AHNAK: variants seen among roughly 807,000 people sequenced by gnomAD.
AHNAK encodes neuroblast differentiation-associated protein AHNAK.
Under a neutral mutation model 37.8 loss-of-function variants are expected in AHNAK, and 23 were observed. That is an observed-to-expected ratio of 0.61 (90% CI 0.44 to 0.86). The LOEUF (loss-of-function observed/expected upper bound fraction) is 0.86. AHNAK is among the 40% of genes least tolerant of loss of function. The pLI is 0.00. For missense variants in AHNAK, 7,411 were observed against 7,319.4 expected, an observed-to-expected ratio of 1.01 and a Z score of -0.46; for synonymous variants, 2,481 against 2,636.3, an observed-to-expected ratio of 0.94 and a Z score of 1.80.
At chr11:62,496,831 AAAGG>A (rs1328877122) in intron 4 of AHNAK, among the ~76,000 whole-genome samples, 2 of 150,774 alleles carry the variant, frequency 1.3e-5, no homozygotes, top group African/African-American at 4.9e-5. Flanking sequence ...AAGAAGAAAG[AAAGG>A]AAGGAAGGAA....
At chr11:62,501,345 G>A (rs1385805319) in intron 4 of AHNAK, among the ~76,000 whole-genome samples, 1 of 152,200 alleles carries the variant, frequency 6.6e-6, no homozygotes, top group Admixed American at 6.5e-5. Context: ...AAAGTGGGTG[G>A]ATCATGAGGT....
At chr11:62,463,072 C>T (rs968686518) in intron 5 of AHNAK, among the ~76,000 whole-genome samples, 41 of 135,834 alleles carry the variant, frequency 3.0e-4, no homozygotes, top group Middle Eastern at 4.1e-3. Context: ...TGCAGTGAGG[C>T]GAGATCGTGC....
At chr11:62,454,076 C>T (rs1938598572) in intron 5 of AHNAK, among the ~76,000 whole-genome samples, 2 of 146,654 alleles carry the variant, frequency 1.4e-5, no homozygotes, top group African/African-American at 5.1e-5. Context: ...CACTGCACTG[C>T]AGCCTGGGCA....
At position 62,524,412 on chromosome 11, in the gene AHNAK, G is replaced by C; in HGVS notation, c.10005C>G (p.Asp3335Glu). The change falls in exon 5 of 5, where the codon GAC becomes GAG. Residue 3335 changes from aspartate to glutamate, a missense_variant. Asp to Glu is a conservative substitution (Grantham distance 45, BLOSUM62 2). Transcript: ENST00000378024. ...PSLDIKGPEV[D>E]VSGPKLNIEG... is the part of the protein sequence containing the mutation. ...CGATATTAAGCTTAGGACCGGAAAC[G>C]TCCACTTCTGGGCCCTTTATATCCA... The C allele has an allele frequency of 6.2e-7, 1 of 1,612,268 alleles. No homozygotes were observed. Among genetic ancestry groups the C allele is most frequent in the Non-Finnish European group, 8.5e-7 (1 of 1,179,536 alleles).
In AHNAK at chr11:62,516,235, T is replaced by C. The variant is rs1195234169; in HGVS notation, c.*509A>G. 7.8e-7 allele frequency: 1 copy of C among 1,289,200 alleles called. No homozygotes were observed. Among genetic ancestry groups the C allele is most frequent in the Non-Finnish European group, 1.0e-6 (1 of 988,718 alleles). 79.9% of individuals were successfully genotyped at this position (1,289,200 alleles called of 1,614,324 possible). ...CCTAAAAACACCCACACACCCTGAC[T>C]ACCACCACCTCTGGGCCATCTGTGG... On this transcript the variant is annotated 3_prime_UTR_variant, in exon 5 of 5. Transcript: ENST00000378024.
intron 5 of AHNAK, among the ~76,000 whole-genome samples, chr11:62,447,448 C>T (rs528456717): frequency 6.6e-6 from 1 of 152,318 alleles, no homozygotes; most frequent in African/African-American, 2.4e-5. Context: ...CTGTTCCACG[C>T]TGTTGCTATC....
rs111593829 is a variant in AHNAK at position 62,442,979 on chromosome 11, C to CT, written c.443-9089dup. Among the ~76,000 whole-genome samples, 462 of 148,694 alleles carry CT rather than the reference C, an allele frequency of 3.1e-3. 3 individuals are homozygous for CT. The highest frequency in any genetic ancestry group is 0.01 in the African/African-American group (409 of 40,640). On this transcript the variant is annotated intron_variant, in intron 5 of 5. Coordinates refer to the AHNAK transcript ENST00000257247. ...CCTGGCTCGAGTCTTGCACATCTTT[C>CT]TTTTTTTTTTGAGACAGAGTCTCGC...
Position 62,535,096 on chromosome 11 carries a change from G to A in AHNAK, c.249C>T (p.Gly83=), listed in dbSNP as rs1940899739. 1 of 1,614,054 alleles carries A rather than the reference G, an allele frequency of 6.2e-7. No individual in the cohort carries two copies. The highest frequency in any genetic ancestry group is 8.5e-7 in the Non-Finnish European group (1 of 1,179,960). ...LLNTMGHHTV[G]LKLHRKGDRS... ...GGTCCCCCTTGCGGTGCAGCTTCAG[G>A]CCCACCGTGTGGTGCCCCATGGTGT... The change falls in exon 4 of 5, where the codon GGC becomes GGT. Residue 83 remains glycine (G), a synonymous_variant. Transcript: ENST00000378024.
In AHNAK at chr11:62,525,144, G is replaced by T. The variant is rs555028077; in HGVS notation, c.9273C>A (p.Ile3091=). 1.8e-5 allele frequency: 29 copies of T among 1,613,804 alleles called. No individual in the cohort carries two copies. In the African/African-American group the frequency reaches 1.9e-4, roughly 10 times the overall value. Residue 3091 remains isoleucine (I), a synonymous_variant, in exon 5 of 5, where the codon ATC becomes ATA. Coordinates refer to ENST00000378024, the MANE Select transcript of AHNAK (RefSeq NM_001620.3). ...GGTTAAGATCAATGTCAGGCATGGA[G>T]ATCTTGGGGGCTTTGATGTTCATCT... The part of the protein sequence containing the change: ...MPEMNIKAPK[I]SMPDIDLNLK...
Position 62,519,611 on chromosome 11 carries a change from T to C in AHNAK, c.14806A>G (p.Lys4936Glu). Residue 4936 changes from lysine to glutamate, a missense_variant, in exon 5 of 5, where the codon AAG becomes GAG. Coordinates refer to ENST00000378024, the MANE Select transcript of AHNAK (RefSeq NM_001620.3). ...KAPKIGFSGP[K>E]LEGGEVDLKG... ...AGGTCCACTTCACCACCTTCTAACT[T>C]CGGACCTGAAAATCCAATTTTTGGT... is the stretch of plus-strand genomic sequence containing the variant. The C allele has an allele frequency of 6.2e-7, 1 of 1,613,774 alleles. No homozygotes were observed. The highest frequency in any genetic ancestry group is 8.5e-7 in the Non-Finnish European group (1 of 1,179,908).
chr11:62,538,257 G>A (rs974426944), intron 1 of AHNAK, among the ~76,000 whole-genome samples: 7 of 152,266 alleles, frequency 4.6e-5, no homozygotes, highest in African/African-American at 1.4e-4. Flanking sequence ...GCCCAGCTGA[G>A]CCCACCTTGG....
Position 62,518,284 on chromosome 11 carries a change from C to A in AHNAK, c.16133G>T (p.Gly5378Val). 1.2e-6 allele frequency: 2 copies of A among 1,614,156 alleles called. No individual in the cohort carries two copies. The highest frequency in any genetic ancestry group is 1.7e-6 in the Non-Finnish European group (2 of 1,180,024). ...PSLQGDLAVS[G>V]DIKCPKVSVG... The stretch of plus-strand genomic sequence containing the variant: ...GGATACTTTAGGGCATTTGATGTCA[C>A]CAGAGACAGCCAGATCTCCCTGCAG... Residue 5378 changes from glycine (G) to valine (V), a missense_variant, in exon 5 of 5, where the codon GGT becomes GTT. Transcript: ENST00000378024.
intron 5 of AHNAK, among the ~76,000 whole-genome samples, chr11:62,468,372 AT>A (rs1399901674): frequency 9.5e-5 from 11 of 116,084 alleles, no homozygotes; most frequent in Admixed American, 2.6e-4. Flanking sequence ...AAAAAAAAAA[AT>A]ATATATATAT....
At chr11:62,508,461 C>T (rs756619010) in intron 4 of AHNAK, among the ~76,000 whole-genome samples, 4 of 152,200 alleles carry the variant, frequency 2.6e-5, no homozygotes, top group Non-Finnish European at 5.9e-5. Context: ...AGAGATAAAG[C>T]ACTCTGTGGA....
At chr11:62,479,854 A>G (rs1939229890) in intron 5 of AHNAK, among the ~76,000 whole-genome samples, 1 of 152,210 alleles carries the variant, frequency 6.6e-6, no homozygotes, top group African/African-American at 2.4e-5. Flanking sequence ...TATTCTTGAA[A>G]GTATTCCAAA....
intron 4 of AHNAK, chr11:62,491,843 A>G (rs766113713): frequency 6.2e-7 from 1 of 1,603,042 alleles, no homozygotes. Flanking sequence ...TAACAAGGAT[A>G]AAGATTATCA....
intron 5 of AHNAK, among the ~76,000 whole-genome samples, chr11:62,461,439 C>A (rs7118438): frequency 6.6e-6 from 1 of 152,090 alleles, no homozygotes; most frequent in Non-Finnish European, 1.5e-5. Context: ...CCACTGCGCC[C>A]GGCCCAAGTT....
Position 62,525,273 on chromosome 11 carries a change from C to T in AHNAK, c.9144G>A (p.Lys3048=), listed in dbSNP as rs902446834. 2.1e-5 allele frequency: 34 copies of T among 1,613,008 alleles called. No homozygotes were observed. In the African/African-American group the frequency reaches 4.4e-4, roughly 21 times the overall value. ...TGGGTCCTGAGACATCAAGGTCAGCCTTGGGCAGGTTCACATCCACATCTG... is the reference window on the plus strand; with the variant it reads ...TGGGTCCTGAGACATCAAGGTCAGCTTTGGGCAGGTTCACATCCACATCTG... ...EGPDVDVNLP[K]ADLDVSGPKV... Residue 3048 remains lysine, a synonymous_variant, in exon 5 of 5, where the codon AAG becomes AAA. Transcript: ENST00000378024.
intron 1 of AHNAK, among the ~76,000 whole-genome samples, chr11:62,539,424 C>G (rs1000436529): frequency 6.6e-6 from 1 of 152,232 alleles, no homozygotes; most frequent in African/African-American, 2.4e-5. Flanking sequence ...AGCTCACCCT[C>G]GCCCACACCT....
Sources: allele counts gnomAD v4.1 joint callset (sites outside exome capture counted in the v4.1 genomes callset), GRCh38; gene constraint gnomAD v4.1.1; transcripts MANE v1.5; gene names NCBI Gene and HGNC (gene_info 2026-07-23, HGNC 2026-07-21).